The following C16orf78 variants were observed in gnomAD, a reference collection of about 807,000 sequenced individuals.
C16orf78 encodes uncharacterized protein C16orf78.
A neutral mutation model predicts 27.3 loss-of-function variants in C16orf78; 19 were observed. That is an observed-to-expected ratio of 0.70 (90% CI 0.49 to 1.02). The LOEUF is 1.02. Among genes scored for constraint, C16orf78 ranks in the 50% least tolerant of loss-of-function variants. The pLI is 0.00. For missense variants in C16orf78, 339 were observed against 337.0 expected, an observed-to-expected ratio of 1.01 and a Z score of -0.05; for synonymous variants, 130 against 116.1, an observed-to-expected ratio of 1.12 and a Z score of -0.77.
At chr16:49,374,932 T>C (rs1965195374) in intron 1 of C16orf78, among the ~76,000 whole-genome samples, 1 of 152,158 alleles carries the variant, frequency 6.6e-6, no homozygotes, top group African/African-American at 2.4e-5. Flanking sequence ...CTCCTGACCC[T>C]AGAGCAAAAT....
intron 3 of C16orf78, among the ~76,000 whole-genome samples, chr16:49,382,065 A>C (rs2151611986): frequency 6.6e-6 from 1 of 152,326 alleles, no homozygotes; most frequent in African/African-American, 2.4e-5. Context: ...ACATACACAC[A>C]ATGGAATACT....
intron 3 of C16orf78, among the ~76,000 whole-genome samples, chr16:49,386,462 G>C (rs1028544695): frequency 1.3e-5 from 2 of 152,154 alleles, no homozygotes; most frequent in Admixed American, 1.3e-4. Flanking sequence ...TTTTTTTTAA[G>C]TGCAGTGGTA....
At chr16:49,378,386 A>C in intron 2 of C16orf78, 84 bp from the exon 3 acceptor site, 1 of 1,504,472 alleles carries the variant, frequency 6.6e-7, no homozygotes, top group Non-Finnish European at 8.9e-7. Context: ...CAAACCCTTG[A>C]AATTGCTGTT....
rs912896488 is a variant in C16orf78 at position 49,377,927 on chromosome 16, T to C, written c.270+77T>C. 4.7e-5 allele frequency: 70 copies of C among 1,503,062 alleles called. No homozygotes were observed. The East Asian group carries it at 1.7e-3, about 37-fold the overall frequency. The allele number at this position is 1,503,062 out of a possible 1,614,324, so 93.1% of individuals were successfully genotyped here. A position where few individuals can be genotyped will look rare whatever the true frequency, so the allele number is the denominator to read the frequency against. ...GAGGGGTCCCTGCTTCTCTCCTGCA[T>C]AATGCCTGCCTACTTTCTAAATTTC... On this transcript the variant is annotated intron_variant, in intron 2 of 4. Transcript: ENST00000299191.
At chr16:49,396,828 C>T in intron 4 of C16orf78, 150 bp downstream of exon 4, 1 of 1,130,240 alleles carries the variant, frequency 8.8e-7, no homozygotes, top group Non-Finnish European at 1.2e-6. Context: ...TCCCAAAGGA[C>T]TGCTCCAGGG....
rs1965480008 is a variant in C16orf78 at position 49,396,697 on chromosome 16, T to A, written c.650+19T>A. 6.3e-7 allele frequency: 1 copy of A among 1,599,924 alleles called. No homozygotes were observed. The highest frequency in any genetic ancestry group is 1.1e-5 in the South Asian group (1 of 90,544). On this transcript the variant is annotated intron_variant, in intron 4 of 4. Transcript: ENST00000299191. ...GCTGCCGGTGAGAGCTGCCACCCCC[T>A]GGGCAGATGGGGTGGGGTCCTGGAA...
intron 3 of C16orf78, among the ~76,000 whole-genome samples, chr16:49,390,869 G>A (rs152664): frequency 0.31 from 46,493 of 152,080 alleles, 10,192 homozygotes; most frequent in African/African-American, 0.62. Flanking sequence ...CTGCAACCCC[G>A]TGCTGCAACT....
chr16:49,378,141 C>T (rs548772648), intron 2 of C16orf78, among the ~76,000 whole-genome samples: 12 of 152,166 alleles, frequency 7.9e-5, no homozygotes, highest in East Asian at 1.9e-4. Context: ...ATGAGAACAC[C>T]GTGGTTCAGT....
chr16:49,392,090 G>T (rs556301814), intron 3 of C16orf78, among the ~76,000 whole-genome samples: 1 of 152,156 alleles, frequency 6.6e-6, no homozygotes, highest in Non-Finnish European at 1.5e-5. Flanking sequence ...AGGTCTAGAC[G>T]CATTTCCACT....
intron 4 of C16orf78, among the ~76,000 whole-genome samples, chr16:49,398,915 A>T (rs1169905337): frequency 6.6e-6 from 1 of 152,190 alleles, no homozygotes; most frequent in African/African-American, 2.4e-5. Context: ...GAGTCAACCG[A>T]CTGCCAAAAG....
chr16:49,398,781 T>C (rs907181873), intron 4 of C16orf78, among the ~76,000 whole-genome samples: 1 of 152,256 alleles, frequency 6.6e-6, no homozygotes, highest in Non-Finnish European at 1.5e-5. Context: ...TTCCTGTTGT[T>C]GACAATCCCA....
rs541814738 is a variant in C16orf78 at position 49,374,370 on chromosome 16, G to T, written c.150+281G>T. ...TCTTTCTTGATGATTACATTTCAAA[G>T]GGTCCTCCCAGGTCCTTGAGAAAAA... On this transcript the variant is annotated intron_variant, in intron 1 of 4. Transcript: ENST00000299191. 2.6e-5 allele frequency among the ~76,000 whole-genome samples: 4 copies of T among 152,330 alleles called. No individual in the cohort carries two copies. In the South Asian group the frequency reaches 8.3e-4, roughly 32 times the overall value.
rs1432833206 is a variant in C16orf78 at position 49,377,860 on chromosome 16, C to A, written c.270+10C>A. 1.3e-6 allele frequency: 2 copies of A among 1,560,820 alleles called. No homozygotes were observed. The highest frequency in any genetic ancestry group is 1.7e-6 in the Non-Finnish European group (2 of 1,151,880). ...GGAGACTTCCCAGCAGGTAATGCAG[C>A]CCCTCTTCCCCCACTCACCCCCACT... On this transcript the variant is annotated intron_variant, in intron 2 of 4. Coordinates refer to ENST00000299191, the MANE Select transcript of C16orf78 (RefSeq NM_144602.4).
rs1326968055 is a variant in C16orf78, at chr16:49,378,455, C to T, written c.271-15C>T. Reference sequence around the variant, plus strand: ...CCTGTAACTGGGGTGTGACTTCTCACCTGCTCCCTCCAAGGCCTTAGGAAA... The same window carrying T: ...CCTGTAACTGGGGTGTGACTTCTCATCTGCTCCCTCCAAGGCCTTAGGAAA... On this transcript the variant is annotated splice_polypyrimidine_tract_variant and intron_variant, in intron 2 of 4. Transcript: ENST00000299191. The T allele has an allele frequency of 2.6e-6, 4 of 1,562,282 alleles. No homozygotes were observed. The East Asian group carries it at 7.1e-5, about 28-fold the overall frequency.
At chr16:49,394,648 T>A (rs1567394786) in intron 3 of C16orf78, among the ~76,000 whole-genome samples, 1 of 152,068 alleles carries the variant, frequency 6.6e-6, no homozygotes, top group Non-Finnish European at 1.5e-5. Context: ...AAATGAGGCA[T>A]AATCCCTATC....
At chr16:49,386,692 T>C (rs1965355683) in intron 3 of C16orf78, among the ~76,000 whole-genome samples, 1 of 152,212 alleles carries the variant, frequency 6.6e-6, no homozygotes, top group Admixed American at 6.5e-5. Flanking sequence ...AGTGAGAGCA[T>C]GCAGTCTTTG....
At chr16:49,385,323 T>C (rs1965335390) in intron 3 of C16orf78, among the ~76,000 whole-genome samples, 1 of 152,224 alleles carries the variant, frequency 6.6e-6, no homozygotes, top group Non-Finnish European at 1.5e-5. Flanking sequence ...AAGTATAGTT[T>C]TAGTATATGA....
intron 3 of C16orf78, among the ~76,000 whole-genome samples, chr16:49,383,301 T>A (rs1487435107): frequency 6.6e-6 from 1 of 152,222 alleles, no homozygotes; most frequent in Non-Finnish European, 1.5e-5. Context: ...ATGGGTATGA[T>A]CTGAATTGGC....
intron 3 of C16orf78, among the ~76,000 whole-genome samples, chr16:49,383,278 A>G (rs1193108737): frequency 1.3e-5 from 2 of 152,242 alleles, no homozygotes; most frequent in African/African-American, 2.4e-5. Context: ...GACTGGCAAG[A>G]GGACTAAAAT....
Sources: allele counts gnomAD v4.1 joint callset (sites outside exome capture counted in the v4.1 genomes callset), GRCh38; gene constraint gnomAD v4.1.1; transcripts MANE v1.5; gene names NCBI Gene and HGNC (gene_info 2026-07-23, HGNC 2026-07-21).